Variants in RGS12 observed in about 807,000 individuals in gnomAD.
The protein encoded by RGS12 is regulator of G protein signaling 12, also known as regulator of G-protein signaling 12.
Under a neutral mutation model 120.1 loss-of-function variants are expected in RGS12, and 66 were observed. That is an observed-to-expected ratio of 0.55 (90% CI 0.45 to 0.67). The LOEUF is 0.67. RGS12 is among the 30% of genes least tolerant of loss of function. The probability of loss-of-function intolerance (pLI) is 0.00; values close to 1 mark genes in which losing one functional copy is unlikely to be tolerated. For synonymous variants in RGS12, 827 were observed against 804.7 expected (o/e 1.03, Z -0.47); for missense variants, 1,859 against 1,957.7 (o/e 0.95, Z 0.95).
At chr4:3,428,297 G>A (rs1368231642) in intron 15 of RGS12, 128 bp downstream of exon 15, 4 of 951,734 alleles carry the variant, frequency 4.2e-6, no homozygotes, top group African/African-American at 3.2e-5. Flanking sequence ...GCTCCTTGGC[G>A]GGGTCTCTCT....
chr4:3,315,961 T>C (rs1271577882), intron 1 of RGS12, 109 bp from the exon 2 acceptor site: 1 of 468,426 alleles, frequency 2.1e-6, no homozygotes. Flanking sequence ...TAGAGGCTCT[T>C]TCTGTGGTGG....
At chr4:3,419,757 G>A (rs998739158) in intron 9 of RGS12, among the ~76,000 whole-genome samples, 1 of 152,162 alleles carries the variant, frequency 6.6e-6, no homozygotes, top group African/African-American at 2.4e-5. Context: ...GGAGTTGGAG[G>A]CTGCAGTGAG....
intron 2 of RGS12, among the ~76,000 whole-genome samples, chr4:3,325,793 C>G (rs1245976081): frequency 6.6e-6 from 1 of 152,156 alleles, no homozygotes; most frequent in Non-Finnish European, 1.5e-5. Flanking sequence ...CAACAAAATA[C>G]TAGCAAACTG....
chr4:3,362,878 TGTGA>T (rs940054656), intron 3 of RGS12, among the ~76,000 whole-genome samples: 2 of 150,682 alleles, frequency 1.3e-5, no homozygotes, highest in Non-Finnish European at 3.0e-5. Context: ...GGTGTGTGTG[TGTGA>T]GAGCATGTGT....
rs976398971 is a variant in RGS12, at chr4:3,433,274, A to G, written c.4114+2319A>G. The stretch of plus-strand genomic sequence containing the variant: ...CCTGGACCCAGCGTCCGGGGTGAGA[A>G]ACACAACAGGAGGTGTAGCCAAGCC... On this transcript the variant is annotated intron_variant, in intron 17 of 17. Transcript: ENST00000336727. This position sits in a 1 kb window ranked among gnomAD's most constrained non-coding sequence, Gnocchi z 4.4. Among the ~76,000 whole-genome samples the G allele has an allele frequency of 3.3e-5, 5 of 152,298 alleles. No homozygotes were observed. Among genetic ancestry groups the G allele is most frequent in the African/African-American group, 9.6e-5 (4 of 41,562 alleles).
chr4:3,332,170 G>A (rs1433339690), intron 2 of RGS12, among the ~76,000 whole-genome samples: 1 of 152,200 alleles, frequency 6.6e-6, no homozygotes, highest in Non-Finnish European at 1.5e-5. Flanking sequence ...CTGTTGGCTC[G>A]TGTTCTATGG....
chr4:3,372,188 G>C lies in RGS12; in HGVS notation c.1999-14228G>C, dbSNP rs550408627. ...GAAATAGGAATTGCCTGGAGGAAGA[G>C]AGCCCTTGTGGTCTGTCTGCGCACC... On this transcript the variant is annotated intron_variant, in intron 3 of 17. Coordinates refer to ENST00000336727, the MANE Select transcript of RGS12 (RefSeq NM_001394154.1). The surrounding 1 kb of genome is among the most constrained non-coding windows in gnomAD (Gnocchi z 4.3). Among the ~76,000 whole-genome samples, 15 of 152,222 alleles carry C rather than the reference G, an allele frequency of 9.9e-5. No homozygotes were observed. The East Asian group carries it at 1.9e-3, about 20-fold the overall frequency.
In RGS12 at chr4:3,389,068, C is replaced by T. The variant is rs999605435; in HGVS notation, c.2020+2631C>T. Reference sequence around the variant, plus strand: ...AGTGAGAGAGTTCGTGTTCATGCCACGGTTTCATTCTGTGACGCGTATCGT... The same window carrying T: ...AGTGAGAGAGTTCGTGTTCATGCCATGGTTTCATTCTGTGACGCGTATCGT... On this transcript the variant is annotated intron_variant, in intron 4 of 17. Transcript: ENST00000336727. This position sits in a 1 kb window ranked among gnomAD's most constrained non-coding sequence, Gnocchi z 5.2. Among the ~76,000 whole-genome samples, 9 of 152,160 alleles carry T rather than the reference C, an allele frequency of 5.9e-5. No individual in the cohort carries two copies. Among genetic ancestry groups the T allele is most frequent in the Admixed American group, 3.9e-4 (6 of 15,280 alleles).
At chr4:3,371,345 G>A (rs1238738276) in intron 3 of RGS12, among the ~76,000 whole-genome samples, 1 of 152,224 alleles carries the variant, frequency 6.6e-6, no homozygotes, top group African/African-American at 2.4e-5. Flanking sequence ...CATATCCTGC[G>A]TCGGAAAGTG....
At chr4:3,330,629 AT>A (rs1168199419) in intron 2 of RGS12, among the ~76,000 whole-genome samples, 1 of 152,250 alleles carries the variant, frequency 6.6e-6, no homozygotes, top group Non-Finnish European at 1.5e-5. Context: ...AGTAAAAAAA[AT>A]GTAGTATTTC....
chr4:3,431,672 T>A, intron 17 of RGS12: 1 of 985,484 alleles, frequency 1.0e-6, no homozygotes, highest in Non-Finnish European at 1.2e-6. Context: ...TAGGGAAAGG[T>A]GTTTCCAGGG....
At chr4:3,298,267 C>G (rs970554346) in intron 1 of RGS12, among the ~76,000 whole-genome samples, 2 of 152,168 alleles carry the variant, frequency 1.3e-5, no homozygotes, top group Admixed American at 6.5e-5. Context: ...TTTTCTCTTT[C>G]TGGAACTTTT....
At chr4:3,386,329 C>G in intron 3 of RGS12, 87 bp from the exon 4 acceptor site, 1 of 1,271,168 alleles carries the variant, frequency 7.9e-7, no homozygotes, top group Non-Finnish European at 1.2e-6. Flanking sequence ...CAGAGTCTGC[C>G]CCTTGTGTTC....
intron 3 of RGS12, among the ~76,000 whole-genome samples, chr4:3,373,099 G>A (rs563702606): frequency 6.6e-6 from 1 of 152,304 alleles, no homozygotes; most frequent in East Asian, 1.9e-4. Context: ...CAGAGGGCAG[G>A]ACCCGTGTTG....
chr4:3,373,059 G>C (rs940336622), intron 3 of RGS12, among the ~76,000 whole-genome samples: 20 of 152,202 alleles, frequency 1.3e-4, no homozygotes, highest in African/African-American at 4.6e-4. Flanking sequence ...CTGGCAGCGA[G>C]GCTCGAGGCA....
Position 3,366,876 on chromosome 4 carries a change from C to T in RGS12, c.1999-19540C>T, listed in dbSNP as rs1384277670. ...CCTGGGTCACCCACAGGCCCCTTTG[C>T]CTTCACTGGAACTTTCCAGTTAGCC... On this transcript the variant is annotated intron_variant, in intron 3 of 17. Transcript: ENST00000336727. The surrounding 1 kb of genome is among the most constrained non-coding windows in gnomAD (Gnocchi z 4.0). Among the ~76,000 whole-genome samples, 1 of 152,188 alleles carries T rather than the reference C, an allele frequency of 6.6e-6. No individual in the cohort carries two copies. Among genetic ancestry groups the T allele is most frequent in the Non-Finnish European group, 1.5e-5 (1 of 68,032 alleles).
upstream of RGS12, among the ~76,000 whole-genome samples, chr4:3,290,866 T>C (rs77240651): frequency 0.015 from 2,259 of 152,354 alleles, 44 homozygotes; most frequent in African/African-American, 0.048. Flanking sequence ...TTTTGCTTAA[T>C]TGGCAAGACC....
chr4:3,300,862 C>T (rs901863648), intron 1 of RGS12, among the ~76,000 whole-genome samples: 1 of 152,208 alleles, frequency 6.6e-6, no homozygotes, highest in Non-Finnish European at 1.5e-5. Context: ...GAATCCTTAA[C>T]ATAATCCTTT....
At chr4:3,364,488 C>T (rs1439427780) in intron 3 of RGS12, among the ~76,000 whole-genome samples, 1 of 152,080 alleles carries the variant, frequency 6.6e-6, no homozygotes, top group African/African-American at 2.4e-5. Context: ...AACGTCCTGC[C>T]TTTGGGAGCT....
Sources: allele counts gnomAD v4.1 joint callset (sites outside exome capture counted in the v4.1 genomes callset), GRCh38; gene constraint gnomAD v4.1.1; non-coding constraint Gnocchi (gnomAD v3.1); transcripts MANE v1.5; gene names NCBI Gene and HGNC (gene_info 2026-07-23, HGNC 2026-07-21).